Variants in GRHL3 observed in about 807,000 individuals in gnomAD.
GRHL3 encodes grainyhead-like protein 3 homolog.
Under a neutral mutation model 70.3 loss-of-function variants are expected in GRHL3, and 20 were observed. That is an observed-to-expected ratio of 0.28 (90% confidence interval 0.20 to 0.41). GRHL3 has a LOEUF of 0.41. GRHL3 is among the 10% of genes least tolerant of loss of function. The pLI is 1.00. For synonymous variants in GRHL3, 299 were observed against 299.9 expected, an observed-to-expected ratio of 1.00 and a Z score of 0.03; for missense variants, 637 against 762.3, an observed-to-expected ratio of 0.84 and a Z score of 1.94.
rs929115407 is a variant in GRHL3, at chr1:24,336,539, C to T, written c.324C>T (p.His108=). The part of the protein sequence containing the change: ...TDLTPLESPT[H]LMKFLTENVS... ...TCACTCCCCTTGAAAGCCCCACACACCTCATGAAATTCCTGACAGAGAACG... is the reference window on the plus strand; with the variant it reads ...TCACTCCCCTTGAAAGCCCCACACATCTCATGAAATTCCTGACAGAGAACG... Residue 108 remains histidine, a synonymous_variant, in exon 4 of 16, where the codon CAC becomes CAT. Coordinates refer to ENST00000361548, the MANE Select transcript of GRHL3 (RefSeq NM_198173.3). 3 of 1,612,972 alleles carry T rather than the reference C, an allele frequency of 1.9e-6. No homozygotes were observed. In the Admixed American group the frequency reaches 5.0e-5, roughly 27 times the overall value.
downstream of GRHL3, chr1:24,357,870 A>G: frequency 3.3e-6 from 1 of 306,296 alleles, no homozygotes. Context: ...AAAGTCAGGG[A>G]AAAGCGCAGC....
intron 15 of GRHL3, among the ~76,000 whole-genome samples, chr1:24,352,020 T>C (rs1640532543): frequency 6.6e-6 from 1 of 152,128 alleles, no homozygotes; most frequent in Admixed American, 6.5e-5. Flanking sequence ...CACTACGCAA[T>C]GTGCAAATAA....
intron 14 of GRHL3, among the ~76,000 whole-genome samples, chr1:24,349,087 G>A (rs943218399): frequency 6.6e-6 from 1 of 152,204 alleles, no homozygotes; most frequent in Non-Finnish European, 1.5e-5. Context: ...AGGAAACCGA[G>A]GCTCAGAGAA....
downstream of GRHL3, among the ~76,000 whole-genome samples, chr1:24,356,121 G>A (rs771140288): frequency 2.6e-5 from 4 of 151,990 alleles, no homozygotes; most frequent in Admixed American, 6.6e-5. Flanking sequence ...GGCTGGTCTC[G>A]AACTCCTGAC....
At chr1:24,363,424 C>T (rs1463826354) in intron 15 of GRHL3, among the ~76,000 whole-genome samples, 2 of 152,276 alleles carry the variant, frequency 1.3e-5, no homozygotes, top group South Asian at 2.1e-4. Context: ...CTTGACAATC[C>T]GCTGCCAGCA....
chr1:24,329,336 A>G (rs1229770266), intron 1 of GRHL3, among the ~76,000 whole-genome samples: 2 of 152,152 alleles, frequency 1.3e-5, no homozygotes, highest in African/African-American at 4.8e-5. Context: ...TATGGGCCCT[A>G]GTGGCCTGGC....
intron 3 of GRHL3, among the ~76,000 whole-genome samples, chr1:24,335,707 C>T (rs754600265): frequency 5.9e-5 from 9 of 152,166 alleles, no homozygotes; most frequent in African/African-American, 1.7e-4. Flanking sequence ...CTCAGCCTCC[C>T]GAGCAGCTGG....
In GRHL3 at chr1:24,364,345, C is replaced by T. The variant is rs1036593925; in HGVS notation, c.1855C>T (p.Leu619=). The change falls in exon 16 of 16, where the codon CTG becomes TTG. Residue 619 remains leucine (L), a synonymous_variant. Coordinates refer to the GRHL3 transcript ENST00000350501. ...TCCCAGCCCCACCACCGTCAACAGC[C>T]TGCACTTCACTGTAAACTCGGAATG... 3 of 1,546,256 alleles carry T rather than the reference C, an allele frequency of 1.9e-6. No individual in the cohort carries two copies. In the African/African-American group the frequency reaches 4.1e-5, roughly 21 times the overall value.
intron 2 of GRHL3, among the ~76,000 whole-genome samples, 153 bp downstream of exon 2, chr1:24,331,765 C>G (rs1199402968): frequency 6.6e-6 from 1 of 152,140 alleles, no homozygotes; most frequent in African/African-American, 2.4e-5. Context: ...CCTCCCTTTC[C>G]CATGGCTAAC....
At chr1:24,343,299 C>A in intron 11 of GRHL3, 1 of 423,604 alleles carries the variant, frequency 2.4e-6, no homozygotes, top group South Asian at 3.5e-5. Flanking sequence ...ATATCTGACC[C>A]CAAATTTGAT....
At chr1:24,350,561 A>T (rs1201871035) in intron 15 of GRHL3, among the ~76,000 whole-genome samples, 2 of 152,234 alleles carry the variant, frequency 1.3e-5, no homozygotes, top group Non-Finnish European at 2.9e-5. Flanking sequence ...TTTGACAGAT[A>T]AGGAAACTGA....
intron 1 of GRHL3, among the ~76,000 whole-genome samples, chr1:24,324,527 A>G (rs574527568): frequency 6.6e-6 from 1 of 152,350 alleles, no homozygotes; most frequent in African/African-American, 2.4e-5. Flanking sequence ...CACTATGCTG[A>G]TCGCTTTACC....
chr1:24,342,252 G>A lies in GRHL3; in HGVS notation c.1185G>A (p.Gln395=). 1 of 1,609,448 alleles carries A rather than the reference G, an allele frequency of 6.2e-7. No individual in the cohort carries two copies. ...TERLVHRAVC[Q]IKIFCDKGAE... Reference sequence around the variant, plus strand: ...GCCTGGTACACCGTGCTGTCTGCCAGATCAAGATCTTCTGTGACAAGGTGG... The same window carrying A: ...GCCTGGTACACCGTGCTGTCTGCCAAATCAAGATCTTCTGTGACAAGGTGG... Residue 395 remains glutamine (Q), a synonymous_variant, in exon 9 of 16, where the codon CAG becomes CAA. Transcript: ENST00000361548. The surrounding 1 kb of genome is among the most constrained non-coding windows in gnomAD (Gnocchi z 4.8).
At chr1:24,354,102 C>G (rs1640621861) in intron 15 of GRHL3, among the ~76,000 whole-genome samples, 1 of 152,194 alleles carries the variant, frequency 6.6e-6, no homozygotes, top group Non-Finnish European at 1.5e-5. Context: ...TCGGGTGTAC[C>G]AGGAGAGAGG....
chr1:24,345,563 G>C (rs1234107199), intron 12 of GRHL3, among the ~76,000 whole-genome samples: 9 of 152,082 alleles, frequency 5.9e-5, no homozygotes, highest in Admixed American at 2.0e-4. Context: ...AAGGAAAAGA[G>C]TCTGTGGTGG....
Position 24,354,694 on chromosome 1 carries a change from G to C in GRHL3, c.*206G>C. On this transcript the variant is annotated 3_prime_UTR_variant, in exon 16 of 16. Transcript: ENST00000361548. ...TGGCCTGGATCCCCATGGTATGCTT[G>C]AATCTGCTCCCTGAACTTCCTGCCA... 2.0e-6 allele frequency: 1 copy of C among 500,950 alleles called. No homozygotes were observed. The highest frequency in any genetic ancestry group is 3.5e-5 in the East Asian group (1 of 28,472). The allele number at this position is 500,950 out of a possible 1,614,324, so 31.0% of individuals were successfully genotyped here. A position where few individuals can be genotyped will look rare whatever the true frequency, so the allele number is the denominator to read the frequency against.
At chr1:24,347,584 G>A (rs1307874846) in intron 14 of GRHL3, 31 bp downstream of exon 14, 1 of 1,525,628 alleles carries the variant, frequency 6.6e-7, no homozygotes, top group Admixed American at 1.7e-5. Flanking sequence ...GCCCCCCATG[G>A]CAGACCCCCT....
rs1353172104 is a variant in GRHL3, at chr1:24,342,780, G to A, written c.1285+8G>A. 1.9e-6 allele frequency: 3 copies of A among 1,614,112 alleles called. No homozygotes were observed. Among genetic ancestry groups the A allele is most frequent in the South Asian group, 1.1e-5 (1 of 91,070 alleles). On this transcript the variant is annotated splice_region_variant and intron_variant, in intron 10 of 15. Coordinates refer to ENST00000361548, the MANE Select transcript of GRHL3 (RefSeq NM_198173.3). This position sits in a 1 kb window ranked among gnomAD's most constrained non-coding sequence, Gnocchi z 4.8. ...CTGACTCCAGCAACAGTGGTCAGTG[G>A]GGATCCAGGGCCTGGGTGGGCTCGG...
chr1:24,338,000 G>A lies in GRHL3; in HGVS notation c.849G>A (p.Val283=). Residue 283 remains valine, a synonymous_variant, in exon 7 of 16, where the codon GTG becomes GTA. Transcript: ENST00000361548. ...ALSSNKVKSV[V]MVVFDNEKVP... ...ACCAACTGTGCTTGCAGAGTGTGGTGATGGTTGTCTTCGACAATGAGAAGG... is the reference window on the plus strand; with the variant it reads ...ACCAACTGTGCTTGCAGAGTGTGGTAATGGTTGTCTTCGACAATGAGAAGG... The A allele has an allele frequency of 6.2e-7, 1 of 1,606,378 alleles. No individual in the cohort carries two copies. Among genetic ancestry groups the A allele is most frequent in the Non-Finnish European group, 8.5e-7 (1 of 1,176,008 alleles).
Sources: allele counts gnomAD v4.1 joint callset (sites outside exome capture counted in the v4.1 genomes callset), GRCh38; gene constraint gnomAD v4.1.1; non-coding constraint Gnocchi (gnomAD v3.1); transcripts MANE v1.5; gene names NCBI Gene and HGNC (gene_info 2026-07-23, HGNC 2026-07-21).